Variants in ARHGEF7 observed in about 807,000 individuals in gnomAD.
ARHGEF7 encodes Rho guanine nucleotide exchange factor 7.
Under a neutral mutation model 109.8 loss-of-function variants are expected in ARHGEF7, and 33 were observed. The ratio of observed to expected loss-of-function variants is 0.30; its 90% confidence interval spans 0.23 to 0.40. The LOEUF is 0.40. ARHGEF7 is among the 10% of genes least tolerant of loss of function. ARHGEF7 has a pLI of 1.00. For missense variants in ARHGEF7, 938 were observed against 1,098.5 expected (o/e 0.85, Z 2.07); for synonymous variants, 458 against 424.6 (o/e 1.08, Z -0.97).
intron 8 of ARHGEF7, among the ~76,000 whole-genome samples, chr13:111,262,919 C>T (rs774859875): frequency 2.6e-5 from 4 of 152,236 alleles, no homozygotes; most frequent in Admixed American, 6.5e-5. Context: ...TGCGTGCTGC[C>T]TCTCATGACT....
chr13:111,293,947 C>A, intron 19 of ARHGEF7: 1 of 985,408 alleles, frequency 1.0e-6, no homozygotes, highest in Non-Finnish European at 1.2e-6. Flanking sequence ...TGGGTGGCTT[C>A]ATTCAGCATG....
In ARHGEF7 at chr13:111,273,637, G is replaced by C. The variant is rs893589531; in HGVS notation, c.1074-177G>C. 6.6e-6 allele frequency among the ~76,000 whole-genome samples: 1 copy of C among 152,220 alleles called. No individual in the cohort carries two copies. The highest frequency in any genetic ancestry group is 1.5e-5 in the Non-Finnish European group (1 of 68,032). ...GGAACGGGACCCCTTAGGGATGGGA[G>C]TCCCCTTTGGCATTTCCAGATAAGC... On this transcript the variant is annotated intron_variant, in intron 9 of 21. Transcript: ENST00000646102. This position sits in a 1 kb window ranked among gnomAD's most constrained non-coding sequence, Gnocchi z 4.5.
In ARHGEF7 at chr13:111,228,399, A is replaced by C. The variant is rs1484931043; in HGVS notation, c.671-4806A>C. Among the ~76,000 whole-genome samples the C allele has an allele frequency of 6.6e-6, 1 of 152,162 alleles. No homozygotes were observed. Among genetic ancestry groups the C allele is most frequent in the Non-Finnish European group, 1.5e-5 (1 of 68,024 alleles). On this transcript the variant is annotated intron_variant, in intron 5 of 21. Transcript: ENST00000646102. This position sits in a 1 kb window ranked among gnomAD's most constrained non-coding sequence, Gnocchi z 4.6. ...AGAAAAGCTCCCTTTGCTAACACTG[A>C]AGTGTTGGTGAGTGGAGATGACCTC...
At chr13:111,149,931 G>T (rs541593405) in intron 1 of ARHGEF7, among the ~76,000 whole-genome samples, 1 of 152,222 alleles carries the variant, frequency 6.6e-6, no homozygotes, top group Non-Finnish European at 1.5e-5. Flanking sequence ...GCTGCAGGAT[G>T]TGTGATGGTC....
At position 111,274,574 on chromosome 13, in the gene ARHGEF7, G is replaced by A. The variant is rs570804097; in HGVS notation, c.1213-157G>A. Among the ~76,000 whole-genome samples the A allele has an allele frequency of 5.3e-5, 8 of 152,242 alleles. No homozygotes were observed. The East Asian group carries it at 5.8e-4, about 11-fold the overall frequency. On this transcript the variant is annotated intron_variant, in intron 10 of 21. Coordinates refer to ENST00000646102, the MANE Select transcript of ARHGEF7 (RefSeq NM_001354046.2). ...TATTTCCCCAAAGTCTAATGGCTTC[G>A]TGATTTGCTGAAAGACTGACACTTT...
intron 19 of ARHGEF7, among the ~76,000 whole-genome samples, chr13:111,296,774 A>T (rs2093436675): frequency 6.6e-6 from 1 of 152,234 alleles, no homozygotes; most frequent in African/African-American, 2.4e-5. Flanking sequence ...ACTTCATCAG[A>T]GCCTGTACTG....
At chr13:111,278,654 C>G (rs755965134) in intron 13 of ARHGEF7, among the ~76,000 whole-genome samples, 19 of 152,198 alleles carry the variant, frequency 1.2e-4, no homozygotes, top group Non-Finnish European at 2.4e-4. Flanking sequence ...GAGAGGTGAT[C>G]TGTGGCTAGG....
rs933348407 is a variant in ARHGEF7 at position 111,294,561 on chromosome 13, T to C, written c.2311+2267T>C. 5.1e-6 allele frequency: 5 copies of C among 985,376 alleles called. No homozygotes were observed. In the African/African-American group the frequency reaches 7.0e-5, roughly 14 times the overall value. 61.0% of individuals were successfully genotyped at this position (985,376 alleles called of 1,614,324 possible). A position where few individuals can be genotyped will look rare whatever the true frequency, so the allele number is the denominator to read the frequency against. On this transcript the variant is annotated intron_variant, in intron 19 of 21. Coordinates refer to ENST00000646102, the MANE Select transcript of ARHGEF7 (RefSeq NM_001354046.2). ...TGATGCTAAGATCACTGCAGAAGAA[T>C]AACCTGACCTTTTCTTTGCATTTGT...
intron 8 of ARHGEF7, among the ~76,000 whole-genome samples, chr13:111,246,230 A>T (rs2088826472): frequency 6.6e-6 from 1 of 152,208 alleles, no homozygotes; most frequent in South Asian, 2.1e-4. Context: ...TGTGGGTTTG[A>T]TGAAGGTGAC....
chr13:111,152,846 T>G (rs1302954895), intron 1 of ARHGEF7, among the ~76,000 whole-genome samples: 1 of 152,236 alleles, frequency 6.6e-6, no homozygotes, highest in Non-Finnish European at 1.5e-5. Context: ...AATTTTCTAG[T>G]AATTGGTACT....
At chr13:111,189,722 CGATTGGTGCGTTTTTACAGAGTGCT>C (rs2079652078) in intron 2 of ARHGEF7, among the ~76,000 whole-genome samples, 1 of 151,828 alleles carries the variant, frequency 6.6e-6, no homozygotes, top group Non-Finnish European at 1.5e-5. Context: ...TACAGAGTGC[CGATTGGTGCGTTTTTACAGAGTGCT>C]GATTGGTGCA....
At chr13:111,226,237 G>T (rs937205942) in intron 5 of ARHGEF7, among the ~76,000 whole-genome samples, 4 of 152,220 alleles carry the variant, frequency 2.6e-5, no homozygotes, top group Admixed American at 1.3e-4. Context: ...GCTAATGGAG[G>T]TTAGTGCATG....
chr13:111,277,559 A>G (rs2092559700), intron 12 of ARHGEF7, 28 bp from the exon 13 acceptor site: 1 of 1,423,466 alleles, frequency 7.0e-7, no homozygotes, highest in Non-Finnish European at 9.9e-7. Context: ...TTTTTAAGAA[A>G]TGTTTTGGAT....
In ARHGEF7 at chr13:111,131,161, T is replaced by C. The variant is rs932816446; in HGVS notation, c.165+15470T>C. ...AGGATGGAGGATGTGAAGATGGTTA[T>C]GAAACTCCCACGGTTGCCCATGGAG... is the stretch of plus-strand genomic sequence containing the variant. On this transcript the variant is annotated intron_variant, in intron 1 of 21. Transcript: ENST00000646102. This position sits in a 1 kb window ranked among gnomAD's most constrained non-coding sequence, Gnocchi z 4.4. Among the ~76,000 whole-genome samples, 11 of 152,184 alleles carry C rather than the reference T, an allele frequency of 7.2e-5. No individual in the cohort carries two copies. The highest frequency in any genetic ancestry group is 2.2e-4 in the African/African-American group (9 of 41,454).
intron 2 of ARHGEF7, among the ~76,000 whole-genome samples, chr13:111,191,160 TG>T (rs2079844477): frequency 6.6e-6 from 1 of 151,884 alleles, no homozygotes; most frequent in African/African-American, 2.4e-5. Flanking sequence ...GTGATGATTT[TG>T]GGGGGCCCTG....
intron 13 of ARHGEF7, among the ~76,000 whole-genome samples, chr13:111,278,769 G>A (rs959333259): frequency 2.6e-5 from 4 of 152,164 alleles, no homozygotes; most frequent in African/African-American, 4.8e-5. Context: ...TCTGGCTTCC[G>A]ATTTTATATC....
intron 6 of ARHGEF7, among the ~76,000 whole-genome samples, chr13:111,236,971 A>G (rs190366712): frequency 1.7e-4 from 26 of 152,324 alleles, no homozygotes; most frequent in Admixed American, 7.2e-4. Flanking sequence ...GTCCCTAAAA[A>G]ACCAAAAAAC....
At chr13:111,177,477 A>G (rs1566720507) in intron 2 of ARHGEF7, among the ~76,000 whole-genome samples, 1 of 152,278 alleles carries the variant, frequency 6.6e-6, no homozygotes, top group African/African-American at 2.4e-5. Context: ...GCTGGAATCT[A>G]AGGAGCAGGT....
Position 111,221,367 on chromosome 13 carries a change from A to C in ARHGEF7, c.670+3487A>C, listed in dbSNP as rs1293541644. On this transcript the variant is annotated intron_variant, in intron 5 of 21. Transcript: ENST00000646102. ...TATATATATGTCTATATATATATCT[A>C]TATATATATCTATATATATAGATGT... 6.7e-4 allele frequency among the ~76,000 whole-genome samples: 20 copies of C among 30,022 alleles called. 7 individuals are homozygous for C. Among genetic ancestry groups the C allele is most frequent in the Admixed American group, 8.8e-4 (2 of 2,278 alleles). The allele number at this position is 30,022 out of a possible 152,430, so 19.7% of individuals were successfully genotyped here. A position where few individuals can be genotyped will look rare whatever the true frequency, so the allele number is the denominator to read the frequency against.
Sources: allele counts gnomAD v4.1 joint callset (sites outside exome capture counted in the v4.1 genomes callset), GRCh38; gene constraint gnomAD v4.1.1; non-coding constraint Gnocchi (gnomAD v3.1); transcripts MANE v1.5; gene names NCBI Gene and HGNC (gene_info 2026-07-23, HGNC 2026-07-21).